Variants in CAMK1D observed in about 807,000 individuals in gnomAD.
The protein encoded by CAMK1D is calcium/calmodulin-dependent protein kinase type 1D.
CAMK1D carries 9 observed loss-of-function variants against 47.7 expected under a neutral mutation model. The observed-to-expected ratio is 0.19, with a 90% CI of 0.11 to 0.33. The LOEUF (loss-of-function observed/expected upper bound fraction) is 0.33. Among genes scored for constraint, CAMK1D ranks in the 10% least tolerant of loss-of-function variants. The pLI, the probability that CAMK1D is intolerant of heterozygous loss-of-function variation, is 1.00. For missense variants in CAMK1D, 291 were observed against 488.7 expected (o/e 0.60, Z 3.81); for synonymous variants, 184 against 184.9 (o/e 0.99, Z 0.04).
At chr10:12,714,505 G>A (rs1443196613) in intron 3 of CAMK1D, among the ~76,000 whole-genome samples, 1 of 152,150 alleles carries the variant, frequency 6.6e-6, no homozygotes, top group African/African-American at 2.4e-5. Context: ...CGGATCACGA[G>A]GTCAGGAGTT....
chr10:12,564,155 C>CTCTCTCTCTGTCTG (rs1837049879), intron 2 of CAMK1D, among the ~76,000 whole-genome samples: 3 of 103,474 alleles, frequency 2.9e-5, no homozygotes, highest in African/African-American at 7.6e-5. Context: ...CTGTCTCTCT[C>CTCTCTCTCTGTCTG]TCTCTCTCTC....
intron 5 of CAMK1D, among the ~76,000 whole-genome samples, chr10:12,790,395 A>G (rs114261422): frequency 0.011 from 1,661 of 152,338 alleles, 33 homozygotes; most frequent in African/African-American, 0.038. Context: ...TTGTGACCCC[A>G]CAGCACCCAG....
chr10:12,367,415 A>T (rs1017160760), intron 1 of CAMK1D, among the ~76,000 whole-genome samples: 1 of 152,078 alleles, frequency 6.6e-6, no homozygotes, highest in African/African-American at 2.4e-5. Context: ...TGGTTTCAGG[A>T]TGATTCAAGC....
intron 1 of CAMK1D, among the ~76,000 whole-genome samples, chr10:12,486,719 A>G (rs887775233): frequency 6.6e-6 from 1 of 152,098 alleles, no homozygotes; most frequent in Non-Finnish European, 1.5e-5. Flanking sequence ...TCTCAGTTTA[A>G]TCTTTGTGTT....
chr10:12,519,120 A>AC lies in CAMK1D; in HGVS notation c.93-34098dup, dbSNP rs1412991584. Among the ~76,000 whole-genome samples, 10 of 75,994 alleles carry AC rather than the reference A, an allele frequency of 1.3e-4. 1 individual carries two copies. The highest frequency in any genetic ancestry group is 8.9e-4 in the Admixed American group (7 of 7,840). The allele number at this position is 75,994 out of a possible 152,430, so 49.9% of individuals were successfully genotyped here. A position where few individuals can be genotyped will look rare whatever the true frequency, so the allele number is the denominator to read the frequency against. On this transcript the variant is annotated intron_variant, in intron 1 of 10. Transcript: ENST00000619168. ...GGGCGGCTGGCCGGGCGGGGGGCTGACCCCCCCACCACCCTCCCGGACAGG... is the reference window on the plus strand; with the variant it reads ...GGGCGGCTGGCCGGGCGGGGGGCTGACCCCCCCCACCACCCTCCCGGACAGG...
chr10:12,805,511 C>G (rs1042939763), intron 6 of CAMK1D, among the ~76,000 whole-genome samples: 1 of 151,674 alleles, frequency 6.6e-6, no homozygotes, highest in African/African-American at 2.4e-5. Context: ...GCTGGGATTA[C>G]AGGCGTGCGC....
At chr10:12,816,690 G>GA in intron 8 of CAMK1D, among the ~76,000 whole-genome samples, 1 of 151,966 alleles carries the variant, frequency 6.6e-6, no homozygotes, top group East Asian at 1.9e-4. Context: ...CTAACATGGT[G>GA]AAACCCCATT....
At chr10:12,435,097 C>G (rs1832589787) in intron 1 of CAMK1D, among the ~76,000 whole-genome samples, 1 of 151,716 alleles carries the variant, frequency 6.6e-6, no homozygotes, top group Non-Finnish European at 1.5e-5. Flanking sequence ...GGTGTGGGTG[C>G]CTGTAATCCC....
chr10:12,759,385 A>C (rs1280071891), intron 3 of CAMK1D, among the ~76,000 whole-genome samples: 2 of 152,170 alleles, frequency 1.3e-5, no homozygotes, highest in Non-Finnish European at 2.9e-5. Flanking sequence ...TCTCTAGGGC[A>C]CCCAGACTCA....
intron 2 of CAMK1D, among the ~76,000 whole-genome samples, chr10:12,587,791 A>G (rs1033072520): frequency 2.6e-5 from 4 of 152,214 alleles, no homozygotes; most frequent in Admixed American, 6.5e-5. Flanking sequence ...TCAAGAGAGA[A>G]TAGAGTTTGC....
At chr10:12,542,626 T>C (rs944348681) in intron 1 of CAMK1D, among the ~76,000 whole-genome samples, 2 of 152,248 alleles carry the variant, frequency 1.3e-5, no homozygotes, top group African/African-American at 4.8e-5. Flanking sequence ...CTAAGAGTTT[T>C]GGAGCACCTA....
At chr10:12,713,077 CTT>C (rs974172761) in intron 3 of CAMK1D, among the ~76,000 whole-genome samples, 3 of 148,364 alleles carry the variant, frequency 2.0e-5, no homozygotes, top group South Asian at 4.3e-4. Flanking sequence ...GGGTGCCTCC[CTT>C]TTTTTTTTGG....
chr10:12,796,212 C>T (rs1588939158), intron 6 of CAMK1D, among the ~76,000 whole-genome samples: 1 of 152,076 alleles, frequency 6.6e-6, no homozygotes, highest in East Asian at 1.9e-4. Context: ...AAAGAGATTC[C>T]CACTCCCAAA....
chr10:12,421,467 T>TTCCACTG (rs1213377993), intron 1 of CAMK1D, among the ~76,000 whole-genome samples: 1 of 150,526 alleles, frequency 6.6e-6, no homozygotes, highest in Non-Finnish European at 1.5e-5. Flanking sequence ...TCTTGCCGTA[T>TTCCACTG]TCCACTGTCT....
intron 3 of CAMK1D, among the ~76,000 whole-genome samples, chr10:12,758,934 A>G (rs750158025): frequency 6.6e-6 from 1 of 152,230 alleles, no homozygotes; most frequent in African/African-American, 2.4e-5. Context: ...GTGGAAGGGC[A>G]TAATCGTAAC....
intron 2 of CAMK1D, among the ~76,000 whole-genome samples, chr10:12,576,933 A>G (rs549965848): frequency 6.6e-6 from 1 of 152,290 alleles, no homozygotes; most frequent in South Asian, 2.1e-4. Context: ...CTGGCAGAAA[A>G]GGAACCACAT....
intron 1 of CAMK1D, among the ~76,000 whole-genome samples, chr10:12,433,296 TC>T (rs747225406): frequency 1.2e-4 from 18 of 152,124 alleles, no homozygotes; most frequent in Non-Finnish European, 1.9e-4. Context: ...CCAGCTGCCC[TC>T]CCTCCTGCAG....
intron 3 of CAMK1D, among the ~76,000 whole-genome samples, chr10:12,752,128 C>T (rs1204173094): frequency 5.3e-5 from 8 of 151,974 alleles, no homozygotes; most frequent in African/African-American, 9.7e-5. Context: ...GGATTACAGG[C>T]GCCCGCCATC....
intron 3 of CAMK1D, among the ~76,000 whole-genome samples, chr10:12,750,349 G>T (rs1257131531): frequency 2.0e-5 from 3 of 152,124 alleles, no homozygotes; most frequent in African/African-American, 4.8e-5. Context: ...CATTCTAAAT[G>T]GTTTTCTGGC....
Sources: gnomAD v4.1 joint callset for allele counts (sites outside exome capture counted in the v4.1 genomes callset) on GRCh38, gnomAD v4.1.1 for gene constraint, MANE v1.5 for transcripts, NCBI Gene and HGNC (gene_info 2026-07-23, HGNC 2026-07-21) for gene names.